POU3F3: variants seen among roughly 807,000 people sequenced by gnomAD.
POU3F3 encodes the protein POU class 3 homeobox 3.
POU3F3 carries 1 observed loss-of-function variant against 8.6 expected under a neutral mutation model. The ratio of observed to expected loss-of-function variants is 0.12; its 90% confidence interval spans 0.04 to 0.55. The LOEUF is 0.55. Among genes scored for constraint, POU3F3 ranks in the 20% least tolerant of loss-of-function variants. POU3F3 has a pLI of 0.91. For synonymous variants in POU3F3, 418 were observed against 327.4 expected, an observed-to-expected ratio of 1.28 and a Z score of -2.99; for missense variants, 577 against 690.7, an observed-to-expected ratio of 0.84 and a Z score of 1.84.
At chr2:104,903,845 A>G in the POU3F3 span, among the ~76,000 whole-genome samples, 23 of 152,196 alleles carry the variant, frequency 1.5e-4, no homozygotes, top group African/African-American at 4.6e-4. Context: ...TGGCTTGTAC[A>G]TACATCAGCT....
At chr2:104,875,433 C>T in the POU3F3 span, among the ~76,000 whole-genome samples, 1 of 152,212 alleles carries the variant, frequency 6.6e-6, no homozygotes, top group Non-Finnish European at 1.5e-5. Flanking sequence ...AGAAGCAGCA[C>T]CATTTTTCAT....
chr2:104,872,285 G>C, the POU3F3 span: 1 of 456,658 alleles, frequency 2.2e-6, no homozygotes, highest in South Asian at 1.5e-5. The surrounding 1 kb of genome is among the most constrained non-coding windows in gnomAD (Gnocchi z 4.6). Context: ...ACAGGAAACC[G>C]GCCTCTTCGG....
At chr2:104,927,459 A>G in the POU3F3 span, among the ~76,000 whole-genome samples, 7 of 152,128 alleles carry the variant, frequency 4.6e-5, no homozygotes, top group African/African-American at 1.7e-4. Context: ...CATGTTTACA[A>G]TTTTTAAAAA....
At chr2:104,925,609 C>T in the POU3F3 span, among the ~76,000 whole-genome samples, 1 of 152,000 alleles carries the variant, frequency 6.6e-6, no homozygotes. Flanking sequence ...GAAACATCCT[C>T]GAATGCAAAA....
chr2:104,915,957 GT>G, the POU3F3 span, among the ~76,000 whole-genome samples: 11 of 152,006 alleles, frequency 7.2e-5, no homozygotes, highest in African/African-American at 2.7e-4. Context: ...ATGGTTGATT[GT>G]GAAGTATTTA....
At chr2:104,859,682 A>C (rs1376339813), downstream of POU3F3, among the ~76,000 whole-genome samples, 5 of 152,240 alleles carry the variant, frequency 3.3e-5, no homozygotes, top group Non-Finnish European at 7.3e-5. Context: ...CCAGATGGCC[A>C]TGTATTGGGT....
the POU3F3 span, among the ~76,000 whole-genome samples, chr2:104,877,160 C>T: frequency 1.3e-5 from 2 of 152,098 alleles, no homozygotes; most frequent in Non-Finnish European, 2.9e-5. Flanking sequence ...ACCCGGAGAC[C>T]CTCTCAGCTT....
the POU3F3 span, among the ~76,000 whole-genome samples, chr2:104,923,730 A>G: frequency 6.6e-6 from 1 of 152,226 alleles, no homozygotes; most frequent in Non-Finnish European, 1.5e-5. Context: ...ATCAAAAGAC[A>G]AAGATTGGGA....
the POU3F3 span, among the ~76,000 whole-genome samples, chr2:104,877,049 T>TATAC: frequency 6.6e-6 from 1 of 150,542 alleles, no homozygotes; most frequent in African/African-American, 2.4e-5. Flanking sequence ...GACTGTGGTA[T>TATAC]ACACACACAC....
chr2:104,860,673 A>G (rs1295281282), downstream of POU3F3, among the ~76,000 whole-genome samples: 2 of 150,720 alleles, frequency 1.3e-5, no homozygotes, highest in Non-Finnish European at 2.9e-5. Flanking sequence ...CGCTCCCACA[A>G]CCATCTTCCC....
chr2:104,919,709 A>G, the POU3F3 span, among the ~76,000 whole-genome samples: 1 of 152,172 alleles, frequency 6.6e-6, no homozygotes, highest in Non-Finnish European at 1.5e-5. Context: ...CACACAATGT[A>G]TTTGACACTG....
At chr2:104,858,760 T>G (rs1002950061), downstream of POU3F3, among the ~76,000 whole-genome samples, 4 of 152,256 alleles carry the variant, frequency 2.6e-5, no homozygotes, top group Non-Finnish European at 5.9e-5. Flanking sequence ...AACATAGTAG[T>G]CACTCCTCGA....
Position 104,854,381 on chromosome 2 carries a change from GCA to G in POU3F3, c.-1120_-1119del, listed in dbSNP as rs1676505227. On this transcript the variant is annotated 5_prime_UTR_variant, in exon 1 of 1. An upstream open reading frame in the 5' UTR loses its in-frame stop. Transcript: ENST00000361360. The surrounding 1 kb of genome is among the most constrained non-coding windows in gnomAD (Gnocchi z 4.5). ...TGTATCAAGGATCGATCCCCTATAT[GCA>G]CACACACACCTCCACCTCCACCAAT... Among the ~76,000 whole-genome samples, 1 of 152,018 alleles carries G rather than the reference GCA, an allele frequency of 6.6e-6. No homozygotes were observed. Among genetic ancestry groups the G allele is most frequent in the African/African-American group, 2.4e-5 (1 of 41,378 alleles).
downstream of POU3F3, among the ~76,000 whole-genome samples, chr2:104,858,993 C>T (rs770738840): frequency 5.3e-5 from 8 of 152,142 alleles, no homozygotes; most frequent in Non-Finnish European, 1.2e-4. Flanking sequence ...CTGTCCCCCT[C>T]CCAACATGTT....
At chr2:104,908,559 A>T in the POU3F3 span, among the ~76,000 whole-genome samples, 2 of 152,234 alleles carry the variant, frequency 1.3e-5, no homozygotes, top group Non-Finnish European at 2.9e-5. Context: ...GTCCTCACTC[A>T]TCAAGGAGTC....
At chr2:104,905,866 T>C in the POU3F3 span, among the ~76,000 whole-genome samples, 2 of 152,238 alleles carry the variant, frequency 1.3e-5, no homozygotes, top group African/African-American at 4.8e-5. Flanking sequence ...AAACATCCTG[T>C]TTCCAAATAT....
chr2:104,914,795 C>A, the POU3F3 span, among the ~76,000 whole-genome samples: 2 of 152,146 alleles, frequency 1.3e-5, no homozygotes, highest in East Asian at 3.9e-4. Context: ...TCCCTTCTCC[C>A]CGCAAGGAGA....
chr2:104,907,203 C>T, the POU3F3 span, among the ~76,000 whole-genome samples: 1 of 152,188 alleles, frequency 6.6e-6, no homozygotes, highest in South Asian at 2.1e-4. Context: ...TCCTCTGGCT[C>T]TTTGCATGAG....
At chr2:104,910,782 T>C in the POU3F3 span, among the ~76,000 whole-genome samples, 558 of 152,214 alleles carry the variant, frequency 3.7e-3, 2 homozygotes, top group Non-Finnish European at 5.9e-3. Flanking sequence ...GCCCTGTGTA[T>C]TCATGGGTTC....
Sources: allele counts gnomAD v4.1 joint callset (sites outside exome capture counted in the v4.1 genomes callset), GRCh38; gene constraint gnomAD v4.1.1; non-coding constraint Gnocchi (gnomAD v3.1); transcripts MANE v1.5; gene names NCBI Gene and HGNC (gene_info 2026-07-23, HGNC 2026-07-21).